Variants in RUNX1 observed in about 807,000 individuals in gnomAD.
RUNX1 encodes RUNX family transcription factor 1, also known as runt-related transcription factor 1.
A neutral mutation model predicts 42.8 loss-of-function variants in RUNX1; 19 were observed. The ratio of observed to expected loss-of-function variants is 0.44; its 90% CI spans 0.31 to 0.65. The LOEUF (loss-of-function observed/expected upper bound fraction) is 0.65. Among genes scored for constraint, RUNX1 ranks in the 30% least tolerant of loss-of-function variants. RUNX1 has a pLI of 0.07. For missense variants in RUNX1, 528 were observed against 672.0 expected (o/e 0.79, Z 2.37); for synonymous variants, 271 against 289.4 (o/e 0.94, Z 0.64).
intron 2 of RUNX1, among the ~76,000 whole-genome samples, chr21:34,934,683 T>C (rs1038939979): frequency 7.9e-5 from 12 of 152,124 alleles, no homozygotes; most frequent in African/African-American, 2.9e-4. Context: ...AGGAGCATCT[T>C]TGTGGACACT....
At chr21:34,974,348 G>A (rs576301518) in intron 2 of RUNX1, among the ~76,000 whole-genome samples, 2 of 151,734 alleles carry the variant, frequency 1.3e-5, no homozygotes, top group African/African-American at 4.8e-5. Context: ...GGAACTCTAC[G>A]GAAACGAGGG....
chr21:35,027,298 A>T (rs955873948), intron 2 of RUNX1, among the ~76,000 whole-genome samples: 4 of 152,334 alleles, frequency 2.6e-5, no homozygotes, highest in East Asian at 1.9e-4. Context: ...TTTTATGTGC[A>T]TGAAAATCAG....
chr21:34,962,860 G>A (rs1292655103), intron 2 of RUNX1, among the ~76,000 whole-genome samples: 2 of 152,242 alleles, frequency 1.3e-5, no homozygotes, highest in Non-Finnish European at 2.9e-5. Flanking sequence ...ACCTTGGTGA[G>A]TTTGGCTATG....
Position 34,930,270 on chromosome 21 carries a change from G to GTATA in RUNX1, c.59-37311_59-37308dup, listed in dbSNP as rs1555906427. 4.5e-3 allele frequency among the ~76,000 whole-genome samples: 558 copies of GTATA among 123,010 alleles called. 5 individuals are homozygous for GTATA. The highest frequency in any genetic ancestry group is 8.7e-3 in the East Asian group (39 of 4,458). 80.7% of individuals were successfully genotyped at this position (123,010 alleles called of 152,430 possible). A position where few individuals can be genotyped will look rare whatever the true frequency, so the allele number is the denominator to read the frequency against. On this transcript the variant is annotated intron_variant, in intron 2 of 8. Transcript: ENST00000675419. ...ATGTATATTATACGTGTGTGTGTAT[G>GTATA]TATATATATATATATATATATAAAT... is the stretch of plus-strand genomic sequence containing the variant.
At chr21:34,981,702 T>G (rs2058847492) in intron 2 of RUNX1, among the ~76,000 whole-genome samples, 1 of 152,262 alleles carries the variant, frequency 6.6e-6, no homozygotes, top group Non-Finnish European at 1.5e-5. Flanking sequence ...TTTTACTTGA[T>G]AGTTAATTTA....
chr21:34,920,328 T>A (rs2058344551), intron 2 of RUNX1, among the ~76,000 whole-genome samples: 1 of 152,178 alleles, frequency 6.6e-6, no homozygotes, highest in Non-Finnish European at 1.5e-5. Context: ...ATGGCCATTA[T>A]TAGAGACGGT....
intron 2 of RUNX1, among the ~76,000 whole-genome samples, chr21:35,016,031 C>T (rs551582282): frequency 6.6e-6 from 1 of 152,284 alleles, no homozygotes; most frequent in East Asian, 1.9e-4. Context: ...TTATTTTAGG[C>T]TTCAGAACTA....
At chr21:34,867,062 A>T (rs1188030735) in intron 5 of RUNX1, among the ~76,000 whole-genome samples, 1 of 152,178 alleles carries the variant, frequency 6.6e-6, no homozygotes, top group Non-Finnish European at 1.5e-5. Flanking sequence ...ACAGAATTTT[A>T]TTCATCTTTG....
At position 34,834,098 on chromosome 21, in the gene RUNX1, T is replaced by A. The variant is rs866103421; in HGVS notation, c.805+312A>T. The A allele has an allele frequency of 1.4e-5, 8 of 581,034 alleles. No homozygotes were observed. The African/African-American group carries it at 1.5e-4, about 11-fold the overall frequency. 36.0% of individuals were successfully genotyped at this position (581,034 alleles called of 1,614,324 possible). On this transcript the variant is annotated intron_variant, in intron 7 of 8. Coordinates refer to ENST00000675419, the MANE Select transcript of RUNX1 (RefSeq NM_001754.5). ...AAAATAGCATAGCCAAAGCTAACTC[T>A]TAAAAAATTCAAGAGAGCTATCTAT...
At chr21:34,821,977 A>G (rs1004367476) in intron 7 of RUNX1, among the ~76,000 whole-genome samples, 1 of 152,220 alleles carries the variant, frequency 6.6e-6, no homozygotes, top group Non-Finnish European at 1.5e-5. Flanking sequence ...TCTCTCATTT[A>G]GGAACATATG....
In RUNX1 at chr21:35,048,987, T is replaced by C. The variant is rs184732573; in HGVS notation, c.-59-29A>G. ...CGGAGCGAAAACCAAGACAGGTCAC[T>C]GTTTCAGCCTCACCCCTCTAGCCCT... On this transcript the variant is annotated intron_variant, in intron 1 of 8. Transcript: ENST00000675419. 2.8e-5 allele frequency: 31 copies of C among 1,098,884 alleles called. No homozygotes were observed. In the East Asian group the frequency reaches 6.8e-4, roughly 24 times the overall value. The allele number at this position is 1,098,884 out of a possible 1,614,324, so 68.1% of individuals were successfully genotyped here.
At chr21:34,814,360 G>A (rs1382515415) in intron 7 of RUNX1, among the ~76,000 whole-genome samples, 2 of 152,158 alleles carry the variant, frequency 1.3e-5, no homozygotes, top group Non-Finnish European at 1.5e-5. Flanking sequence ...AGCAGACGGC[G>A]ACAGGGATCA....
In RUNX1 at chr21:34,859,362, C is replaced by T. The variant is rs758138439; in HGVS notation, c.613+112G>A. 43 of 899,182 alleles carry T rather than the reference C, an allele frequency of 4.8e-5. No homozygotes were observed. The Middle Eastern group carries it at 8.6e-4, about 18-fold the overall frequency. The allele number at this position is 899,182 out of a possible 1,614,324, so 55.7% of individuals were successfully genotyped here. On this transcript the variant is annotated intron_variant, in intron 6 of 8. Coordinates refer to ENST00000675419, the MANE Select transcript of RUNX1 (RefSeq NM_001754.5). ...TTTTGGCTTTACGGGGGCCTGACAT[C>T]CCCCTGGGGGAAAGGTTGAACCCAA...
At chr21:34,976,143 A>T (rs79850528) in intron 2 of RUNX1, among the ~76,000 whole-genome samples, 1 of 149,692 alleles carries the variant, frequency 6.7e-6, no homozygotes, top group Non-Finnish European at 1.5e-5. Context: ...AAAAAAAAAA[A>T]TTACAGAAGA....
intron 6 of RUNX1, among the ~76,000 whole-genome samples, chr21:34,847,787 T>C (rs960743401): frequency 6.6e-6 from 1 of 152,220 alleles, no homozygotes; most frequent in African/African-American, 2.4e-5. Context: ...GACAGGGTTA[T>C]GTTTCAATGA....
chr21:34,799,280 A>T (rs2145906694), intron 8 of RUNX1, 21 bp downstream of exon 8: 9 of 1,613,862 alleles, frequency 5.6e-6, no homozygotes, highest in Non-Finnish European at 7.6e-6. Flanking sequence ...GCTGCAAAGA[A>T]TGTGTTTTCA....
At chr21:34,963,313 G>A (rs1339881275) in intron 2 of RUNX1, among the ~76,000 whole-genome samples, 1 of 152,268 alleles carries the variant, frequency 6.6e-6, no homozygotes, top group East Asian at 1.9e-4. Context: ...TCCTCCCCCC[G>A]GCACATCTGC....
At position 35,039,476 on chromosome 21, in the gene RUNX1, T is replaced by C. The variant is rs574265152; in HGVS notation, c.58+9366A>G. Among the ~76,000 whole-genome samples the C allele has an allele frequency of 1.7e-3, 255 of 152,312 alleles. 3 individuals carry two copies. The highest frequency in any genetic ancestry group is 5.7e-3 in the African/African-American group (238 of 41,566). ...AAAATAAAGTTATATAATTTTTAGA[T>C]GCCAACTGAAACTATACAGAACTAT... On this transcript the variant is annotated intron_variant, in intron 2 of 8. Transcript: ENST00000675419.
At chr21:34,819,584 C>G (rs2056878342) in intron 7 of RUNX1, among the ~76,000 whole-genome samples, 1 of 152,234 alleles carries the variant, frequency 6.6e-6, no homozygotes, top group South Asian at 2.1e-4. Context: ...AGCTTTTGGC[C>G]CTGCCATTCG....
Sources: gnomAD v4.1 joint callset for allele counts (sites outside exome capture counted in the v4.1 genomes callset) on GRCh38, gnomAD v4.1.1 for gene constraint, MANE v1.5 for transcripts, NCBI Gene and HGNC (gene_info 2026-07-23, HGNC 2026-07-21) for gene names.